Variants in BDP1 observed in about 807,000 individuals in gnomAD.
BDP1 encodes the protein transcription factor TFIIIB component B'' homolog.
Under a neutral mutation model 266.6 loss-of-function variants are expected in BDP1, and 169 were observed. That is an observed-to-expected ratio of 0.63 (90% CI 0.56 to 0.72). The LOEUF is 0.72. BDP1 is among the 30% of genes least tolerant of loss of function. BDP1 has a pLI of 0.00. For synonymous variants in BDP1, 1,090 were observed against 1,022.4 expected (o/e 1.07, Z -1.26); for missense variants, 3,015 against 3,053.8 (o/e 0.99, Z 0.30).
chr5:71,533,532 T>C (rs570392204), intron 26 of BDP1, among the ~76,000 whole-genome samples: 2 of 151,554 alleles, frequency 1.3e-5, no homozygotes, highest in African/African-American at 4.8e-5. Flanking sequence ...GTAACACAAT[T>C]GTAGCACACT....
intron 7 of BDP1, among the ~76,000 whole-genome samples, chr5:71,483,584 A>T (rs760447678): frequency 6.6e-6 from 1 of 152,084 alleles, no homozygotes; most frequent in Non-Finnish European, 1.5e-5. Flanking sequence ...TGTTGACTTT[A>T]TTTTTTTCTG....
intron 36 of BDP1, among the ~76,000 whole-genome samples, chr5:71,559,511 C>A (rs1046380348): frequency 6.6e-6 from 1 of 152,162 alleles, no homozygotes; most frequent in African/African-American, 2.4e-5. Context: ...TTGTCCTAAT[C>A]TTTGGCTACT....
intron 37 of BDP1, 79 bp from the exon 38 acceptor site, chr5:71,562,195 C>CAAAAAA (rs564127239): frequency 3.5e-5 from 16 of 459,484 alleles, no homozygotes; most frequent in African/African-American, 9.1e-5. Context: ...GACTGCGTCT[C>CAAAAAA]AAAAAAAAAA....
chr5:71,489,500 C>G lies in BDP1; in HGVS notation c.1310C>G (p.Thr437Arg). Residue 437 changes from threonine to arginine, a missense_variant, in exon 10 of 39, where the codon ACA (threonine) becomes AGA (arginine). This residue lies in a region of BDP1 where 2,383 missense variants were observed against 2,404.9 expected (regional missense o/e 0.99). Transcript: ENST00000358731. ...DTERSQKDAQ[T>R]VEEESLTLSR... ...GAAAGATCTCAGAAGGATGCTCAGA[C>G]AGTTGAAGAAGAGTCTCTGACCTTA... 1 of 1,614,022 alleles carries G rather than the reference C, an allele frequency of 6.2e-7. No homozygotes were observed. The highest frequency in any genetic ancestry group is 2.2e-5 in the East Asian group (1 of 44,858).
At chr5:71,482,724 T>C (rs1763033240) in intron 7 of BDP1, among the ~76,000 whole-genome samples, 1 of 152,232 alleles carries the variant, frequency 6.6e-6, no homozygotes, top group African/African-American at 2.4e-5. Flanking sequence ...ACATTTAATT[T>C]AGTGTTTATA....
chr5:71,475,536 T>C (rs1387433531), intron 7 of BDP1, among the ~76,000 whole-genome samples: 1 of 152,248 alleles, frequency 6.6e-6, no homozygotes, highest in Non-Finnish European at 1.5e-5. Flanking sequence ...AACTTTGTAA[T>C]GCACAGTTGT....
At chr5:71,507,420 A>G (rs921737385) in intron 16 of BDP1, among the ~76,000 whole-genome samples, 1 of 152,222 alleles carries the variant, frequency 6.6e-6, no homozygotes, top group African/African-American at 2.4e-5. Context: ...CTTTGGTGGA[A>G]TGGCAGTTTA....
intron 6 of BDP1, among the ~76,000 whole-genome samples, chr5:71,468,595 A>G (rs1281098494): frequency 1.4e-5 from 2 of 146,092 alleles, no homozygotes; most frequent in East Asian, 4.1e-4. Context: ...AAAATTAACA[A>G]TACAATATTT....
At chr5:71,571,230 C>T (rs1434247104), downstream of BDP1, among the ~76,000 whole-genome samples, 1 of 152,156 alleles carries the variant, frequency 6.6e-6, no homozygotes, top group Non-Finnish European at 1.5e-5. Context: ...CTGCAGCTTC[C>T]ACATCCTGGG....
downstream of BDP1, among the ~76,000 whole-genome samples, chr5:71,571,041 CTATT>C (rs538015195): frequency 2.5e-3 from 379 of 152,164 alleles, 2 homozygotes; most frequent in African/African-American, 8.2e-3. Context: ...AGTATGACAA[CTATT>C]TATATAGCAT....
At chr5:71,531,036 T>C (rs1766212100) in intron 25 of BDP1, among the ~76,000 whole-genome samples, 1 of 152,104 alleles carries the variant, frequency 6.6e-6, no homozygotes, top group Non-Finnish European at 1.5e-5. Flanking sequence ...ATAGTGCCAC[T>C]GCACCGCAGC....
intron 34 of BDP1, among the ~76,000 whole-genome samples, chr5:71,549,840 T>C (rs2111923463): frequency 6.6e-6 from 1 of 152,342 alleles, no homozygotes; most frequent in South Asian, 2.1e-4. Flanking sequence ...TTAAGTTATT[T>C]TGAAAGCTAA....
intron 28 of BDP1, among the ~76,000 whole-genome samples, chr5:71,540,435 C>T (rs1232321391): frequency 6.6e-6 from 1 of 152,170 alleles, no homozygotes; most frequent in Non-Finnish European, 1.5e-5. Flanking sequence ...TCAAGCAATT[C>T]TCCTGCCTTA....
chr5:71,495,065 T>C (rs1181082058), intron 11 of BDP1, 185 bp from the exon 12 acceptor site: 1 of 381,248 alleles, frequency 2.6e-6, no homozygotes, highest in East Asian at 3.9e-5. Flanking sequence ...TCTCTGGAGG[T>C]ACAGTTTTTA....
the BDP1 span, among the ~76,000 whole-genome samples, chr5:71,573,045 A>G: frequency 6.6e-6 from 1 of 152,144 alleles, no homozygotes; most frequent in African/African-American, 2.4e-5. Flanking sequence ...CCTGGGCAAC[A>G]TGGTGAAACC....
At position 71,495,323 on chromosome 5, in the gene BDP1, G is replaced by T. The variant is rs1187285510; in HGVS notation, c.1714G>T (p.Val572Phe). The T allele has an allele frequency of 1.2e-6, 2 of 1,608,210 alleles. No individual in the cohort carries two copies. The highest frequency in any genetic ancestry group is 1.1e-5 in the South Asian group (1 of 89,856). ...CACTTCAGATTTGCCTTCATTCGAA[G>T]TTGGAATTAGAGCATTGTGTGAGGT... ...SSTSDLPSFE[V>F]GIRALCEVNN... is the part of the protein sequence containing the mutation. Residue 572 changes from valine to phenylalanine, a missense_variant, in exon 12 of 39, where the codon GTT becomes TTT. Val to Phe is a conservative substitution (Grantham distance 50). This residue lies in a region of BDP1 where 2,383 missense variants were observed against 2,404.9 expected (regional missense o/e 0.99). Transcript: ENST00000358731.
At chr5:71,544,617 C>T (rs1037639517) in intron 31 of BDP1, 110 bp downstream of exon 31, 55 of 1,161,434 alleles carry the variant, frequency 4.7e-5, no homozygotes, top group Non-Finnish European at 6.2e-5. Flanking sequence ...CGGTGGCTCA[C>T]GCCTGTAATC....
intron 9 of BDP1, among the ~76,000 whole-genome samples, chr5:71,487,695 C>T (rs1256472142): frequency 6.6e-6 from 1 of 152,112 alleles, no homozygotes; most frequent in Non-Finnish European, 1.5e-5. Context: ...CACCGGGGTT[C>T]GATTATCCAC....
chr5:71,576,127 C>T, the BDP1 span, among the ~76,000 whole-genome samples: 1 of 152,172 alleles, frequency 6.6e-6, no homozygotes, highest in African/African-American at 2.4e-5. Flanking sequence ...CCCCTGATTC[C>T]GTGTTCTTGG....
Sources: gnomAD v4.1 joint callset for allele counts (sites outside exome capture counted in the v4.1 genomes callset) on GRCh38, gnomAD v4.1.1 for gene constraint, gnomAD v4.1.1 regional missense constraint, MANE v1.5 for transcripts, NCBI Gene and HGNC (gene_info 2026-07-23, HGNC 2026-07-21) for gene names.